The following GREB1L variants were observed in gnomAD, a reference collection of about 807,000 sequenced individuals.
The protein encoded by GREB1L is GREB1-like protein.
Under a neutral mutation model 200.8 loss-of-function variants are expected in GREB1L, and 17 were observed. That is an observed-to-expected ratio of 0.08 (90% CI 0.06 to 0.13). The LOEUF (loss-of-function observed/expected upper bound fraction) is 0.13. Among genes scored for constraint, GREB1L ranks in the 10% least tolerant of loss-of-function variants. The pLI, the probability that GREB1L is intolerant of heterozygous loss-of-function variation, is 1.00. For missense variants in GREB1L, 1,657 were observed against 2,367.7 expected (o/e 0.70, Z 6.23); for synonymous variants, 789 against 893.0 (o/e 0.88, Z 2.08).
At chr18:21,470,785 A>ATTC (rs2035452961) in intron 15 of GREB1L, among the ~76,000 whole-genome samples, 3 of 152,354 alleles carry the variant, frequency 2.0e-5, no homozygotes, top group South Asian at 2.1e-4. Context: ...AAAGCACAAA[A>ATTC]ATGGAAGCAG....
chr18:21,328,122 A>G lies in GREB1L; in HGVS notation c.-119-37905A>G, dbSNP rs924699391. 3.8e-4 allele frequency among the ~76,000 whole-genome samples: 58 copies of G among 151,944 alleles called. 1 individual carries two copies. Among genetic ancestry groups the G allele is most frequent in the Non-Finnish European group, 1.0e-4 (7 of 67,992 alleles). Reference sequence around the variant, plus strand: ...TTTATGAAGAATGTCTTCAGCTTCAACCTTTCTCTGTCATGAACTCCTGGT... The same window carrying G: ...TTTATGAAGAATGTCTTCAGCTTCAGCCTTTCTCTGTCATGAACTCCTGGT... On this transcript the variant is annotated intron_variant, in intron 1 of 32. Transcript: ENST00000424526.
chr18:21,318,492 G>A (rs1043077128), intron 1 of GREB1L, among the ~76,000 whole-genome samples: 3 of 152,024 alleles, frequency 2.0e-5, no homozygotes, highest in Non-Finnish European at 2.9e-5. Context: ...AGGATAATGC[G>A]ATCTTCACAA....
chr18:21,320,457 A>G (rs1171855237), intron 1 of GREB1L, among the ~76,000 whole-genome samples: 1 of 152,172 alleles, frequency 6.6e-6, no homozygotes, highest in African/African-American at 2.4e-5. Context: ...GCTCAAGAAA[A>G]CAGATTAGAA....
chr18:21,409,155 A>C (rs1460531878), intron 7 of GREB1L, among the ~76,000 whole-genome samples: 2 of 152,226 alleles, frequency 1.3e-5, no homozygotes, highest in Non-Finnish European at 2.9e-5. Flanking sequence ...GGCTGGACAA[A>C]AATGTGATGT....
rs1431991818 is a variant in GREB1L, at chr18:21,518,060, G to A, written c.5298G>A (p.Leu1766=). 6.4e-7 allele frequency: 1 copy of A among 1,551,530 alleles called. No homozygotes were observed. The highest frequency in any genetic ancestry group is 2.0e-5 in the Admixed American group (1 of 50,980). The stretch of plus-strand genomic sequence containing the variant: ...TGTCAGAGAGCTTAGCACCCATCTT[G>A]CCCCTTCAATACATCTGTGCTCCCG... ...IMVSESLAPI[L]PLQYICAPDS... is the part of the protein sequence containing the mutation. The change falls in exon 31 of 33, where the codon TTG becomes TTA. Residue 1766 remains leucine, a synonymous_variant. Transcript: ENST00000424526.
At position 21,268,509 on chromosome 18, in the gene GREB1L, A is replaced by ATG. The variant is rs1175332065; in HGVS notation, c.-120+26118_-120+26119dup. Among the ~76,000 whole-genome samples, 282 of 117,990 alleles carry ATG rather than the reference A, an allele frequency of 2.4e-3. 3 individuals carry two copies. The highest frequency in any genetic ancestry group is 9.2e-3 in the African/African-American group (269 of 29,300). The allele number at this position is 117,990 out of a possible 152,430, so 77.4% of individuals were successfully genotyped here. A position where few individuals can be genotyped will look rare whatever the true frequency, so the allele number is the denominator to read the frequency against. On this transcript the variant is annotated intron_variant, in intron 1 of 32. Coordinates refer to ENST00000424526, the MANE Select transcript of GREB1L (RefSeq NM_001142966.3). ...TGTGTGTATATATATACATATATAT[A>ATG]TGTATATATATATACACACACACAC...
intron 4 of GREB1L, among the ~76,000 whole-genome samples, chr18:21,386,059 A>G (rs981616007): frequency 3.3e-5 from 5 of 152,142 alleles, no homozygotes; most frequent in African/African-American, 4.8e-5. Context: ...GTGTATGGGA[A>G]GGGTAATATC....
chr18:21,339,704 T>C (rs368220554), intron 1 of GREB1L, among the ~76,000 whole-genome samples: 2 of 152,234 alleles, frequency 1.3e-5, no homozygotes, highest in East Asian at 3.8e-4. Flanking sequence ...GAGATGTTGT[T>C]TATAAAATTT....
chr18:21,522,925 A>G lies in GREB1L; in HGVS notation c.*104A>G, dbSNP rs2037628696. 3.9e-6 allele frequency: 4 copies of G among 1,031,474 alleles called. No individual in the cohort carries two copies. The highest frequency in any genetic ancestry group is 5.5e-6 in the Non-Finnish European group (4 of 731,810). The allele number at this position is 1,031,474 out of a possible 1,614,324, so 63.9% of individuals were successfully genotyped here. A position where few individuals can be genotyped will look rare whatever the true frequency, so the allele number is the denominator to read the frequency against. On this transcript the variant is annotated 3_prime_UTR_variant, in exon 33 of 33. Transcript: ENST00000424526. ...TTAAAGTACAATCACTGTGGAGCAA[A>G]GTGCAACATATTTGTCTAAATTCTC...
At chr18:21,256,743 C>T (rs548106018) in intron 1 of GREB1L, among the ~76,000 whole-genome samples, 5 of 152,140 alleles carry the variant, frequency 3.3e-5, no homozygotes, top group South Asian at 2.1e-4. Context: ...CTCCCAGTCA[C>T]GCCTGTAATC....
chr18:21,464,732 A>G (rs950944717), intron 15 of GREB1L, among the ~76,000 whole-genome samples: 1 of 152,156 alleles, frequency 6.6e-6, no homozygotes, highest in Admixed American at 6.5e-5. Context: ...ATTATGTGCA[A>G]AAAAGCACAC....
chr18:21,326,990 T>C (rs1349135924), intron 1 of GREB1L, among the ~76,000 whole-genome samples: 2 of 152,218 alleles, frequency 1.3e-5, no homozygotes. Flanking sequence ...ACAAAATCCA[T>C]TGAGACATTG....
chr18:21,444,455 T>G (rs2034093644), intron 11 of GREB1L, 46 bp downstream of exon 11: 1 of 1,424,474 alleles, frequency 7.0e-7, no homozygotes, highest in Non-Finnish European at 9.6e-7. Context: ...CTTTTGAGGA[T>G]TTTTTGTGAT....
intron 11 of GREB1L, among the ~76,000 whole-genome samples, chr18:21,447,364 A>ATT (rs1178480750): frequency 1.3e-5 from 2 of 152,186 alleles, no homozygotes; most frequent in East Asian, 3.8e-4. Flanking sequence ...GAAACAAGGC[A>ATT]TTTTACTCTA....
intron 14 of GREB1L, among the ~76,000 whole-genome samples, chr18:21,453,432 A>C (rs1448713345): frequency 6.6e-6 from 1 of 152,252 alleles, no homozygotes; most frequent in African/African-American, 2.4e-5. Flanking sequence ...CAGGTTAATT[A>C]GGCCCTGTTG....
chr18:21,326,678 A>G (rs2039027224), intron 1 of GREB1L, among the ~76,000 whole-genome samples: 1 of 152,232 alleles, frequency 6.6e-6, no homozygotes, highest in Non-Finnish European at 1.5e-5. Flanking sequence ...ATCATTTTTA[A>G]TCTGATATAA....
chr18:21,286,967 G>A (rs1029624364), intron 1 of GREB1L, among the ~76,000 whole-genome samples: 1 of 152,018 alleles, frequency 6.6e-6, no homozygotes, highest in Non-Finnish European at 1.5e-5. Flanking sequence ...ATTTTGTAAG[G>A]GACCTTTTAT....
chr18:21,420,987 G>A (rs1393849186), intron 7 of GREB1L, among the ~76,000 whole-genome samples: 2 of 152,062 alleles, frequency 1.3e-5, no homozygotes, highest in Admixed American at 6.6e-5. Context: ...TAAATCTAGT[G>A]AGTGAAAAAA....
chr18:21,433,995 A>G (rs1027927087), intron 7 of GREB1L, among the ~76,000 whole-genome samples: 5 of 152,146 alleles, frequency 3.3e-5, no homozygotes, highest in African/African-American at 4.8e-5. Flanking sequence ...TTCTTAATCC[A>G]AAGAGCTTTC....
Sources: gnomAD v4.1 joint callset for allele counts (sites outside exome capture counted in the v4.1 genomes callset) on GRCh38, gnomAD v4.1.1 for gene constraint, MANE v1.5 for transcripts, NCBI Gene and HGNC (gene_info 2026-07-23, HGNC 2026-07-21) for gene names.